APOE: variants seen among roughly 807,000 people sequenced by gnomAD.
APOE encodes apolipoprotein E3.
A neutral mutation model predicts 13.1 loss-of-function variants in APOE; 10 were observed. That is an observed-to-expected ratio of 0.76 (90% CI 0.47 to 1.29). The LOEUF (loss-of-function observed/expected upper bound fraction) is 1.29. APOE is among the 50% of genes most tolerant of loss of function. The probability of loss-of-function intolerance (pLI) is 0.00; values close to 1 mark genes in which losing one functional copy is unlikely to be tolerated. For synonymous variants in APOE, 211 were observed against 207.1 expected, an observed-to-expected ratio of 1.02 and a Z score of -0.16; for missense variants, 471 against 459.6, an observed-to-expected ratio of 1.02 and a Z score of -0.23.
Position 44,908,732 on chromosome 19 carries a change from C to T in APOE, c.436C>T (p.Gln146Ter), listed in dbSNP as rs1189593420. 1 of 1,560,810 alleles carries T rather than the reference C, an allele frequency of 6.4e-7. No individual in the cohort carries two copies. Among genetic ancestry groups the T allele is most frequent in the Admixed American group, 1.9e-5 (1 of 51,896 alleles). Residue 146 changes from glutamine to a stop codon, truncating the protein, a stop_gained, in exon 4 of 4, where the codon CAG becomes TAG. Transcript: ENST00000252486. LOFTEE classifies it low-confidence loss of function (END_TRUNC). ...CGGCGAGGTGCAGGCCATGCTCGGC[C>T]AGAGCACCGAGGAGCTGCGGGTGCG... The part of the protein sequence containing the change: ...YRGEVQAMLG[Q>*]STEELRVRLA...
In APOE at chr19:44,907,655, G is replaced by A. The variant is rs1238995639; in HGVS notation, c.44-105G>A. On this transcript the variant is annotated intron_variant, in intron 2 of 3. Transcript: ENST00000252486. This position sits in a 1 kb window ranked among gnomAD's most constrained non-coding sequence, Gnocchi z 4.1. ...ACTCCCCCCTCACCCTGCCCACCATGGCTCCAAAGAAGCATTTGTGGAGCA... is the reference window on the plus strand; with the variant it reads ...ACTCCCCCCTCACCCTGCCCACCATAGCTCCAAAGAAGCATTTGTGGAGCA... 28 of 997,726 alleles carry A rather than the reference G, an allele frequency of 2.8e-5. No homozygotes were observed. Among genetic ancestry groups the A allele is most frequent in the Non-Finnish European group, 4.1e-5 (27 of 656,636 alleles). 61.8% of individuals were successfully genotyped at this position (997,726 alleles called of 1,614,324 possible).
In APOE at chr19:44,908,516, C is replaced by A; in HGVS notation, c.237-17C>A. 1 of 1,608,052 alleles carries A rather than the reference C, an allele frequency of 6.2e-7. No homozygotes were observed. Among genetic ancestry groups the A allele is most frequent in the Non-Finnish European group, 8.5e-7 (1 of 1,179,200 alleles). The stretch of plus-strand genomic sequence containing the variant: ...CGCCTCCCACTGTGCGACACCCTCC[C>A]GCCCTCTCGGCCGCAGGGCGCTGAT... On this transcript the variant is annotated splice_polypyrimidine_tract_variant and intron_variant, in intron 3 of 3. Coordinates refer to ENST00000252486, the MANE Select transcript of APOE (RefSeq NM_000041.4).
rs747076678 is a variant in APOE, at chr19:44,909,284, A to G, written c.*34A>G. On this transcript the variant is annotated 3_prime_UTR_variant, in exon 4 of 4. Coordinates refer to ENST00000252486, the MANE Select transcript of APOE (RefSeq NM_000041.4). Reference sequence around the variant, plus strand: ...GCCTGCAGCCATGCGACCCCACGCCACCCCGTGCCTCCTGCCTCCGCGCAG... The same window carrying G: ...GCCTGCAGCCATGCGACCCCACGCCGCCCCGTGCCTCCTGCCTCCGCGCAG... 10 of 1,583,040 alleles carry G rather than the reference A, an allele frequency of 6.3e-6. No homozygotes were observed. In the Admixed American group the frequency reaches 1.0e-4, roughly 16 times the overall value.
Position 44,909,082 on chromosome 19 carries a change from G to A in APOE, c.786G>A (p.Glu262=), listed in dbSNP as rs569017773. 215 of 1,581,552 alleles carry A rather than the reference G, an allele frequency of 1.4e-4. 2 individuals are homozygous for A. In the South Asian group the frequency reaches 2.3e-3, roughly 17 times the overall value. Residue 262 remains glutamate (E), a synonymous_variant, in exon 4 of 4, where the codon GAG becomes GAA. Transcript: ENST00000252486. The stretch of plus-strand genomic sequence containing the variant: ...TGGCGGAGGTGCGCGCCAAGCTGGA[G>A]GAGCAGGCCCAGCAGATACGCCTGC... ...EQVAEVRAKL[E]EQAQQIRLQA...
chr19:44,906,607 C>T lies in APOE; in HGVS notation c.-18C>T. On this transcript the variant is annotated 5_prime_UTR_variant, in exon 2 of 4. Transcript: ENST00000252486. ...GACAGTTTCTCCTTCCCCAGACTGG[C>T]CAATCACAGGCAGGAAGATGAAGGT... 6.2e-7 allele frequency: 1 copy of T among 1,614,078 alleles called. No homozygotes were observed. Among genetic ancestry groups the T allele is most frequent in the Non-Finnish European group, 8.5e-7 (1 of 1,180,008 alleles).
chr19:44,908,727 T>G lies in APOE; in HGVS notation c.431T>G (p.Leu144Arg). Residue 144 changes from leucine to arginine, a missense_variant, in exon 4 of 4, where the codon CTC (leucine) becomes CGC (arginine). Transcript: ENST00000252486. ...VQYRGEVQAM[L>R]GQSTEELRVR... is the part of the protein sequence containing the mutation. ...TACCGCGGCGAGGTGCAGGCCATGC[T>G]CGGCCAGAGCACCGAGGAGCTGCGG... is the stretch of plus-strand genomic sequence containing the variant. The G allele has an allele frequency of 6.4e-7, 1 of 1,559,992 alleles. No homozygotes were observed. Among genetic ancestry groups the G allele is most frequent in the Non-Finnish European group, 8.7e-7 (1 of 1,152,996 alleles).
At chr19:44,906,335 G>A in intron 1 of APOE, 1 of 550,862 alleles carries the variant, frequency 1.8e-6, no homozygotes, top group South Asian at 2.0e-5. Context: ...CGGTGGGGAG[G>A]GGGTGGGGGG....
At position 44,907,786 on chromosome 19, in the gene APOE, G is replaced by C. The variant is rs1394832846; in HGVS notation, c.70G>C (p.Val24Leu). 1 of 1,613,060 alleles carries C rather than the reference G, an allele frequency of 6.2e-7. No homozygotes were observed. Among genetic ancestry groups the C allele is most frequent in the East Asian group, 2.2e-5 (1 of 44,878 alleles). The stretch of plus-strand genomic sequence containing the variant: ...ATGCCAGGCCAAGGTGGAGCAAGCG[G>C]TGGAGACAGAGCCGGAGCCCGAGCT... ...AGCQAKVEQA[V>L]ETEPEPELRQ... is the part of the protein sequence containing the mutation. The change falls in exon 3 of 4, where the codon GTG becomes CTG. Residue 24 changes from valine to leucine, a missense_variant. Val to Leu is a conservative substitution (Grantham distance 32, BLOSUM62 1). Coordinates refer to ENST00000252486, the MANE Select transcript of APOE (RefSeq NM_000041.4). The surrounding 1 kb of genome is among the most constrained non-coding windows in gnomAD (Gnocchi z 4.1).
At chr19:44,908,456 C>A in intron 3 of APOE, 77 bp from the exon 4 acceptor site, 2 of 1,464,586 alleles carry the variant, frequency 1.4e-6, no homozygotes, top group Non-Finnish European at 1.9e-6. Context: ...TCTGGCTCAT[C>A]CCCATCTCGC....
At position 44,907,135 on chromosome 19, in the gene APOE, G is replaced by A. The variant is rs1418558198; in HGVS notation, c.43+468G>A. On this transcript the variant is annotated intron_variant, in intron 2 of 3. Transcript: ENST00000252486. This position sits in a 1 kb window ranked among gnomAD's most constrained non-coding sequence, Gnocchi z 4.1. Reference sequence around the variant, plus strand: ...TGACCTCAGGTGATCTGCCCGTTTCGATCTCCCAAAGTGCTGGGATTACAG... The same window carrying A: ...TGACCTCAGGTGATCTGCCCGTTTCAATCTCCCAAAGTGCTGGGATTACAG... 5.1e-6 allele frequency: 1 copy of A among 196,610 alleles called. No individual in the cohort carries two copies. The highest frequency in any genetic ancestry group is 5.3e-5 in the Admixed American group (1 of 18,826). The allele number at this position is 196,610 out of a possible 1,614,324, so 12.2% of individuals were successfully genotyped here. A position where few individuals can be genotyped will look rare whatever the true frequency, so the allele number is the denominator to read the frequency against.
Position 44,909,032 on chromosome 19 carries a change from C to A in APOE, c.736C>A (p.Arg246Ser), listed in dbSNP as rs121918395. 6.5e-7 allele frequency: 1 copy of A among 1,545,464 alleles called. No homozygotes were observed. Among genetic ancestry groups the A allele is most frequent in the Non-Finnish European group, 8.7e-7 (1 of 1,150,912 alleles). The change falls in exon 4 of 4, where the codon CGC becomes AGC. Residue 246 changes from arginine (R) to serine (S), a missense_variant. Physicochemically the swap from Arg to Ser is moderately radical, Grantham distance 110. Transcript: ENST00000252486. The part of the protein sequence containing the change: ...MEEMGSRTRD[R>S]LDEVKEQVAE... The stretch of plus-strand genomic sequence containing the variant: ...GGAGATGGGCAGCCGGACCCGCGAC[C>A]GCCTGGACGAGGTGAAGGAGCAGGT...
chr19:44,907,611 T>C lies in APOE; in HGVS notation c.44-149T>C. ...GACCCTGTTTATAAATACATAATGC[T>C]TTCCAAGTGATTAAACCGACTCCCC... On this transcript the variant is annotated intron_variant, in intron 2 of 3. Coordinates refer to ENST00000252486, the MANE Select transcript of APOE (RefSeq NM_000041.4). The surrounding 1 kb of genome is among the most constrained non-coding windows in gnomAD (Gnocchi z 4.1). 1.4e-6 allele frequency: 1 copy of C among 713,590 alleles called. No homozygotes were observed. The highest frequency in any genetic ancestry group is 2.5e-6 in the Non-Finnish European group (1 of 405,636). 44.2% of individuals were successfully genotyped at this position (713,590 alleles called of 1,614,324 possible).
Position 44,908,729 on chromosome 19 carries a change from G to A in APOE, c.433G>A (p.Gly145Ser), listed in dbSNP as rs748703149. The A allele has an allele frequency of 2.6e-6, 4 of 1,560,534 alleles. No homozygotes were observed. The highest frequency in any genetic ancestry group is 2.4e-5 in the East Asian group (1 of 41,720). Residue 145 changes from glycine (G) to serine (S), a missense_variant, in exon 4 of 4, where the codon GGC (glycine) becomes AGC (serine). Transcript: ENST00000252486. ...CCGCGGCGAGGTGCAGGCCATGCTCGGCCAGAGCACCGAGGAGCTGCGGGT... is the reference window on the plus strand; with the variant it reads ...CCGCGGCGAGGTGCAGGCCATGCTCAGCCAGAGCACCGAGGAGCTGCGGGT... ...QYRGEVQAMLGQSTEELRVRL... is the reference protein window; with the variant it reads ...QYRGEVQAMLSQSTEELRVRL...
At chr19:44,906,709 C>T (rs550501196) in intron 2 of APOE, 42 bp downstream of exon 2, 18 of 1,599,970 alleles carry the variant, frequency 1.1e-5, no homozygotes, top group African/African-American at 9.4e-5. Flanking sequence ...GCTCCTCCCC[C>T]TCTCATCCTC....
At position 44,907,284 on chromosome 19, in the gene APOE, G is replaced by A. The variant is rs1175727833; in HGVS notation, c.44-476G>A. ...ATCACCCCCACACAGCCCTGCCTGG[G>A]GCACACAAGGACACTCAATACATGC... is the stretch of plus-strand genomic sequence containing the variant. On this transcript the variant is annotated intron_variant, in intron 2 of 3. Coordinates refer to ENST00000252486, the MANE Select transcript of APOE (RefSeq NM_000041.4). The surrounding 1 kb of genome is among the most constrained non-coding windows in gnomAD (Gnocchi z 4.1). The A allele has an allele frequency of 4.1e-6, 1 of 244,718 alleles. No individual in the cohort carries two copies. The highest frequency in any genetic ancestry group is 8.1e-6 in the Non-Finnish European group (1 of 123,082). The allele number at this position is 244,718 out of a possible 1,614,324, so 15.2% of individuals were successfully genotyped here.
chr19:44,908,736 G>C lies in APOE; in HGVS notation c.440G>C (p.Ser147Thr). 6.4e-7 allele frequency: 1 copy of C among 1,560,216 alleles called. No individual in the cohort carries two copies. The highest frequency in any genetic ancestry group is 1.2e-5 in the South Asian group (1 of 85,114). The change falls in exon 4 of 4, where the codon AGC (serine) becomes ACC (threonine). Residue 147 changes from serine (S) to threonine (T), a missense_variant. By Grantham distance (58) the Ser-to-Thr change is moderately conservative. Transcript: ENST00000252486. ...GAGGTGCAGGCCATGCTCGGCCAGA[G>C]CACCGAGGAGCTGCGGGTGCGCCTC... ...RGEVQAMLGQ[S>T]TEELRVRLAS...
At chr19:44,906,441 G>A (rs963865880) in intron 1 of APOE, 161 bp from the exon 2 acceptor site, 2 of 728,550 alleles carry the variant, frequency 2.7e-6, no homozygotes, top group Non-Finnish European at 2.5e-6. Context: ...AGTTAAATAG[G>A]GAATGGGTTG....
rs375741166 is a variant in APOE at position 44,906,689 on chromosome 19, G to T, written c.43+22G>T. The T allele has an allele frequency of 2.1e-4, 334 of 1,612,554 alleles. 1 individual carries two copies. The African/African-American group carries it at 4.1e-3, about 20-fold the overall frequency. On this transcript the variant is annotated intron_variant, in intron 2 of 3. Coordinates refer to ENST00000252486, the MANE Select transcript of APOE (RefSeq NM_000041.4). The stretch of plus-strand genomic sequence containing the variant: ...GCAGGTATGGGGGCGGGGCTTGCTC[G>T]GTTCCCCCCGCTCCTCCCCCTCTCA...
intron 3 of APOE, 49 bp downstream of exon 3, chr19:44,908,001 C>G: frequency 6.4e-7 from 1 of 1,569,156 alleles, no homozygotes; most frequent in South Asian, 1.1e-5. Flanking sequence ...GCGGCTATAC[C>G]TCCCCAGGTC....
Sources: gnomAD v4.1 joint callset for allele counts on GRCh38, gnomAD v4.1.1 for gene constraint, Gnocchi (gnomAD v3.1) non-coding constraint, MANE v1.5 for transcripts, NCBI Gene and HGNC (gene_info 2026-07-23, HGNC 2026-07-21) for gene names.